Variants in GALM observed in about 807,000 individuals in gnomAD.
GALM encodes aldose 1-epimerase.
In GALM, 43 loss-of-function variants were observed where a neutral mutation model predicts 37.4. That is an observed-to-expected ratio of 1.15 (90% confidence interval 0.90 to 1.48). The LOEUF is 1.48. GALM is among the 40% of genes most tolerant of loss of function. GALM has a pLI of 0.00. For synonymous variants in GALM, 199 were observed against 170.6 expected, an observed-to-expected ratio of 1.17 and a Z score of -1.30; for missense variants, 456 against 419.1, an observed-to-expected ratio of 1.09 and a Z score of -0.77.
intron 4 of GALM, among the ~76,000 whole-genome samples, chr2:38,728,990 G>C (rs1376951681): frequency 6.6e-6 from 1 of 152,116 alleles, no homozygotes; most frequent in Non-Finnish European, 1.5e-5. Context: ...TTATGTATAT[G>C]TTACTATATA....
rs3059479 is a variant in GALM at position 38,718,196 on chromosome 2, C to CTTTT, written c.635-11348_635-11345dup. ...GTACAAGTATTTCTTTTTTTCTTTT[C>CTTTT]TTTTTTTTTTTTTTTCTTTTTGAGA... On this transcript the variant is annotated intron_variant, in intron 4 of 6. Coordinates refer to ENST00000272252, the MANE Select transcript of GALM (RefSeq NM_138801.3). Among the ~76,000 whole-genome samples the CTTTT allele has an allele frequency of 2.0e-4, 26 of 131,272 alleles. 1 individual carries two copies. Among genetic ancestry groups the CTTTT allele is most frequent in the Non-Finnish European group, 3.5e-4 (22 of 63,724 alleles). 86.1% of individuals were successfully genotyped at this position (131,272 alleles called of 152,430 possible).
intron 4 of GALM, among the ~76,000 whole-genome samples, chr2:38,710,215 T>G (rs1285874223): frequency 6.6e-6 from 1 of 152,178 alleles, no homozygotes; most frequent in Non-Finnish European, 1.5e-5. Context: ...GATCTATGTG[T>G]CTAACAAGCC....
Position 38,666,369 on chromosome 2 carries a change from C to T in GALM, c.190+18C>T. 1.7e-5 allele frequency: 27 copies of T among 1,590,048 alleles called. No individual in the cohort carries two copies. Among genetic ancestry groups the T allele is most frequent in the Non-Finnish European group, 2.3e-5 (27 of 1,164,886 alleles). ...GTTGGAAGGTGGGTTGAACTGTGCC[C>T]TGGGCTGCGAGCAGGCCCCAGGCCC... On this transcript the variant is annotated intron_variant, in intron 1 of 6. Coordinates refer to ENST00000272252, the MANE Select transcript of GALM (RefSeq NM_138801.3).
At chr2:38,671,604 C>T (rs1268669264) in intron 1 of GALM, among the ~76,000 whole-genome samples, 1 of 152,152 alleles carries the variant, frequency 6.6e-6, no homozygotes, top group Non-Finnish European at 1.5e-5. Context: ...GAGCACAAAG[C>T]CAAAGCGTAT....
intron 2 of GALM, 41 bp from the exon 3 acceptor site, chr2:38,681,239 G>C (rs763084765): frequency 3.5e-6 from 5 of 1,445,222 alleles, no homozygotes; most frequent in Non-Finnish European, 3.9e-6. Context: ...TTTAGCTTGA[G>C]GATGGAGCAA....
intron 3 of GALM, among the ~76,000 whole-genome samples, chr2:38,686,133 C>T (rs1001963592): frequency 6.6e-6 from 1 of 151,474 alleles, no homozygotes; most frequent in African/African-American, 2.4e-5. Context: ...CTTCCTAAAT[C>T]TCAGGCTCAT....
At chr2:38,685,344 T>G (rs1234523730) in intron 3 of GALM, among the ~76,000 whole-genome samples, 1 of 152,134 alleles carries the variant, frequency 6.6e-6, no homozygotes, top group East Asian at 1.9e-4. Context: ...GGGCACAGAG[T>G]TGCTGGTAAA....
chr2:38,681,235 T>G (rs770117704), intron 2 of GALM, 45 bp from the exon 3 acceptor site: 2 of 1,411,062 alleles, frequency 1.4e-6, no homozygotes, highest in African/African-American at 2.8e-5. Flanking sequence ...GGCATTTAGC[T>G]TGAGGATGGA....
At position 38,708,774 on chromosome 2, in the gene GALM, C is replaced by A. The variant is rs147548999; in HGVS notation, c.634+18880C>A. Among the ~76,000 whole-genome samples the A allele has an allele frequency of 2.8e-3, 420 of 150,100 alleles. 1 individual carries two copies. Among genetic ancestry groups the A allele is most frequent in the Middle Eastern group, 0.021 (6 of 282 alleles). On this transcript the variant is annotated intron_variant, in intron 4 of 6. Transcript: ENST00000272252. ...AGAAAGTGCTGTCAACAAGCTGTGA[C>A]AAAGAGAAGGCTCCTCTGTGAGGCA...
chr2:38,715,878 T>G (rs558473625), intron 4 of GALM, among the ~76,000 whole-genome samples: 1 of 152,322 alleles, frequency 6.6e-6, no homozygotes, highest in East Asian at 1.9e-4. Context: ...GTGTTCGCAA[T>G]AATGCTATGA....
chr2:38,674,480 G>T (rs530987409), intron 1 of GALM, among the ~76,000 whole-genome samples: 1 of 152,156 alleles, frequency 6.6e-6, no homozygotes, highest in East Asian at 1.9e-4. Context: ...GAGCCACCGC[G>T]CCTGGACACA....
intron 4 of GALM, among the ~76,000 whole-genome samples, chr2:38,709,093 G>C (rs1666101334): frequency 6.6e-6 from 1 of 152,180 alleles, no homozygotes; most frequent in Non-Finnish European, 1.5e-5. Context: ...GTGTTACTAA[G>C]GGTCTCAGGT....
At chr2:38,713,224 A>G (rs1458068201) in intron 4 of GALM, among the ~76,000 whole-genome samples, 1 of 152,058 alleles carries the variant, frequency 6.6e-6, no homozygotes, top group Admixed American at 6.6e-5. Context: ...ACATTCTTCC[A>G]CCCCAATATG....
intron 4 of GALM, among the ~76,000 whole-genome samples, chr2:38,695,162 C>T (rs781694015): frequency 2.0e-5 from 3 of 152,064 alleles, no homozygotes; most frequent in Admixed American, 6.6e-5. Context: ...GTGTCTCATG[C>T]TTGTAATCCC....
chr2:38,718,307 C>T (rs1451782706), intron 4 of GALM, among the ~76,000 whole-genome samples: 1 of 148,220 alleles, frequency 6.7e-6, no homozygotes, highest in Non-Finnish European at 1.5e-5. Context: ...TCAAGTGATT[C>T]TCCTGCCTCA....
At chr2:38,676,180 G>T (rs371456507) in intron 2 of GALM, 114 bp downstream of exon 2, 32 of 1,048,700 alleles carry the variant, frequency 3.1e-5, no homozygotes, top group Admixed American at 2.7e-4. Context: ...GCAGGAAAGA[G>T]GCCCCTTCCA....
chr2:38,732,571 C>T (rs1666629161), intron 6 of GALM, among the ~76,000 whole-genome samples: 1 of 152,204 alleles, frequency 6.6e-6, no homozygotes, highest in Non-Finnish European at 1.5e-5. Context: ...TCATAACTTT[C>T]TTTTCTGGTT....
intron 4 of GALM, among the ~76,000 whole-genome samples, chr2:38,692,130 C>T (rs1665692734): frequency 6.6e-6 from 1 of 152,176 alleles, no homozygotes. Flanking sequence ...GTTGCTGCAA[C>T]TTCAGAGCTC....
chr2:38,681,510 C>G (rs1665396700), intron 3 of GALM, 24 bp downstream of exon 3: 3 of 1,582,346 alleles, frequency 1.9e-6, no homozygotes, highest in Non-Finnish European at 2.6e-6. Context: ...TTTCTTCTTT[C>G]CTGCTTCGTG....
Sources: allele counts gnomAD v4.1 joint callset (sites outside exome capture counted in the v4.1 genomes callset), GRCh38; gene constraint gnomAD v4.1.1; transcripts MANE v1.5; gene names NCBI Gene and HGNC (gene_info 2026-07-23, HGNC 2026-07-21).